MARCHF1: variants seen among roughly 807,000 people sequenced by gnomAD.
The protein encoded by MARCHF1 is membrane associated ring-CH-type finger 1, also known as E3 ubiquitin-protein ligase MARCHF1.
MARCHF1 carries 40 observed loss-of-function variants against 54.2 expected under a neutral mutation model. The observed-to-expected ratio is 0.74, with a 90% CI of 0.57 to 0.96. The LOEUF is 0.96. MARCHF1 is among the 40% of genes least tolerant of loss of function. The probability of loss-of-function intolerance (pLI) is 0.00; values close to 1 mark genes in which losing one functional copy is unlikely to be tolerated. For missense variants in MARCHF1, 586 were observed against 656.5 expected (o/e 0.89, Z 1.17); for synonymous variants, 236 against 236.3 (o/e 1.00, Z 0.01).
intron 3 of MARCHF1, chr4:163,932,598 G>A: frequency 2.6e-6 from 1 of 391,910 alleles, no homozygotes; most frequent in Non-Finnish European, 5.0e-6. Context: ...CTGCATGAAG[G>A]CCATGACCAA....
intron 4 of MARCHF1, among the ~76,000 whole-genome samples, chr4:163,772,994 T>A (rs926025828): frequency 3.9e-5 from 6 of 152,194 alleles, no homozygotes; most frequent in Admixed American, 6.5e-5. Context: ...TTGTCAAGTG[T>A]TTAGTTTGCT....
rs572050495 is a variant in MARCHF1 at position 163,908,377 on chromosome 4, GAGA to G, written c.-38-54211_-38-54209del. On this transcript the variant is annotated intron_variant, in intron 3 of 9. Coordinates refer to ENST00000514618, the MANE Select transcript of MARCHF1 (RefSeq NM_001394959.1). Reference sequence around the variant, plus strand: ...GAAAGAGAGAGAGAGGAGAAAAAGAGAGAAGATTTTATGCTGATTCATATTTTC... The same window carrying G: ...GAAAGAGAGAGAGAGGAGAAAAAGAGAGATTTTATGCTGATTCATATTTTC... Among the ~76,000 whole-genome samples, 6 of 152,230 alleles carry G rather than the reference GAGA, an allele frequency of 3.9e-5. 1 individual carries two copies. In the South Asian group the frequency reaches 1.0e-3, roughly 26 times the overall value.
intron 1 of MARCHF1, among the ~76,000 whole-genome samples, chr4:164,252,417 C>G (rs1169168386): frequency 6.6e-6 from 1 of 152,128 alleles, no homozygotes; most frequent in East Asian, 1.9e-4. Context: ...AGAAGACACA[C>G]AGAAAGCTTC....
chr4:163,727,279 T>G (rs1039128572), intron 4 of MARCHF1, among the ~76,000 whole-genome samples: 3 of 151,924 alleles, frequency 2.0e-5, no homozygotes, highest in Non-Finnish European at 4.4e-5. Flanking sequence ...TCATGAAGGG[T>G]GTAGGGTTTC....
intron 3 of MARCHF1, among the ~76,000 whole-genome samples, chr4:163,865,364 T>C (rs1366019278): frequency 1.3e-5 from 2 of 151,914 alleles, no homozygotes; most frequent in Admixed American, 1.3e-4. Context: ...TTTTTTCACA[T>C]AGATTTATTA....
At chr4:164,296,653 A>G (rs1261850506) in intron 1 of MARCHF1, among the ~76,000 whole-genome samples, 1 of 152,152 alleles carries the variant, frequency 6.6e-6, no homozygotes, top group Non-Finnish European at 1.5e-5. Flanking sequence ...TACAGGCATG[A>G]GCCACCATGT....
At chr4:164,070,849 T>C (rs1001263610) in intron 2 of MARCHF1, among the ~76,000 whole-genome samples, 3 of 152,196 alleles carry the variant, frequency 2.0e-5, no homozygotes, top group African/African-American at 7.2e-5. Context: ...TTCAACTGAA[T>C]TGTATCTCCA....
chr4:163,850,655 C>A (rs1749616074), intron 4 of MARCHF1, among the ~76,000 whole-genome samples: 1 of 152,116 alleles, frequency 6.6e-6, no homozygotes, highest in Non-Finnish European at 1.5e-5. Flanking sequence ...AGAAAGGAAA[C>A]TGATTTCAAA....
chr4:164,249,111 T>C (rs1028521326), intron 1 of MARCHF1, among the ~76,000 whole-genome samples: 1 of 152,122 alleles, frequency 6.6e-6, no homozygotes, highest in African/African-American at 2.4e-5. Context: ...ATGAAAATAT[T>C]TATTTACAAT....
In MARCHF1 at chr4:164,272,953, A is replaced by C. The variant is rs570529604; in HGVS notation, c.-323+110917T>G. On this transcript the variant is annotated intron_variant, in intron 1 of 9. Coordinates refer to ENST00000514618, the MANE Select transcript of MARCHF1 (RefSeq NM_001394959.1). ...GATGTATGTACATGATGTATGCACG[A>C]TTGTACATACATGTTCTTAATTATA... Among the ~76,000 whole-genome samples the C allele has an allele frequency of 4.6e-5, 7 of 152,198 alleles. No individual in the cohort carries two copies. The South Asian group carries it at 1.4e-3, about 32-fold the overall frequency.
intron 2 of MARCHF1, among the ~76,000 whole-genome samples, chr4:164,014,686 A>G (rs1753499672): frequency 6.6e-6 from 1 of 152,214 alleles, no homozygotes; most frequent in African/African-American, 2.4e-5. Flanking sequence ...TTGAAATTAA[A>G]AGAATGGAAA....
intron 1 of MARCHF1, among the ~76,000 whole-genome samples, chr4:164,267,320 A>G (rs943034524): frequency 1.3e-5 from 2 of 151,762 alleles, no homozygotes; most frequent in Non-Finnish European, 2.9e-5. Flanking sequence ...TTTCTATTGA[A>G]TAGAATAGAA....
intron 4 of MARCHF1, among the ~76,000 whole-genome samples, chr4:163,726,743 T>C (rs1366724676): frequency 2.6e-5 from 4 of 152,242 alleles, no homozygotes; most frequent in Non-Finnish European, 5.9e-5. Flanking sequence ...AGTGTTCCTG[T>C]TACTCTGCAT....
intron 9 of MARCHF1, among the ~76,000 whole-genome samples, chr4:163,544,809 A>G (rs992747511): frequency 6.6e-6 from 1 of 152,160 alleles, no homozygotes; most frequent in Non-Finnish European, 1.5e-5. Flanking sequence ...CTATCTGAAC[A>G]ATGTCTTTTC....
rs369535318 is a variant in MARCHF1, at chr4:163,594,267, G to A, written c.1011-8338C>T. On this transcript the variant is annotated intron_variant, in intron 7 of 9. Transcript: ENST00000514618. ...TCAATGCTTAGAAGTAGGATTGACTGGGTAATTTGGTAACATTATGTGGCC... is the reference window on the plus strand; with the variant it reads ...TCAATGCTTAGAAGTAGGATTGACTAGGTAATTTGGTAACATTATGTGGCC... 2.6e-5 allele frequency among the ~76,000 whole-genome samples: 4 copies of A among 152,012 alleles called. No homozygotes were observed. In the East Asian group the frequency reaches 5.8e-4, roughly 22 times the overall value.
chr4:164,211,157 T>C (rs1249431701), intron 1 of MARCHF1, among the ~76,000 whole-genome samples: 4 of 151,904 alleles, frequency 2.6e-5, no homozygotes, highest in African/African-American at 7.2e-5. Context: ...ATGATGATCA[T>C]AGTAATAATG....
At chr4:163,839,721 AG>A (rs1266448690) in intron 4 of MARCHF1, among the ~76,000 whole-genome samples, 2 of 152,126 alleles carry the variant, frequency 1.3e-5, no homozygotes, top group African/African-American at 2.4e-5. Flanking sequence ...GAATGGAGGA[AG>A]GGCTGGTGAG....
intron 5 of MARCHF1, among the ~76,000 whole-genome samples, chr4:163,653,471 T>G (rs1293117965): frequency 6.6e-6 from 1 of 151,590 alleles, no homozygotes; most frequent in African/African-American, 2.4e-5. Flanking sequence ...TTTATGAAGG[T>G]AGAAGTAGAA....
intron 4 of MARCHF1, among the ~76,000 whole-genome samples, chr4:163,810,996 A>G (rs1398094403): frequency 6.6e-6 from 1 of 152,078 alleles, no homozygotes. Context: ...TGTTGTTGTT[A>G]AATTTGGGTT....
Sources: allele counts gnomAD v4.1 joint callset (sites outside exome capture counted in the v4.1 genomes callset), GRCh38; gene constraint gnomAD v4.1.1; transcripts MANE v1.5; gene names NCBI Gene and HGNC (gene_info 2026-07-23, HGNC 2026-07-21).